Variants in PLBD1 observed in about 807,000 individuals in gnomAD.
PLBD1 encodes phospholipase B domain containing 1.
In PLBD1, 60 loss-of-function variants were observed where a neutral mutation model predicts 63.0. That is an observed-to-expected ratio of 0.95 (90% confidence interval 0.77 to 1.18). The LOEUF (loss-of-function observed/expected upper bound fraction) is 1.18. Among genes scored for constraint, PLBD1 ranks in the 50% most tolerant of loss-of-function variants. The pLI is 0.00. For missense variants in PLBD1, 598 were observed against 677.9 expected (o/e 0.88, Z 1.31); for synonymous variants, 262 against 248.0 (o/e 1.06, Z -0.53).
chr12:14,520,058 G>A (rs1945363930), intron 6 of PLBD1, among the ~76,000 whole-genome samples: 2 of 152,176 alleles, frequency 1.3e-5, no homozygotes, highest in Non-Finnish European at 2.9e-5. Context: ...GAAATGCCAG[G>A]GAGCCCAGGG....
Position 14,553,425 on chromosome 12 carries a change from G to A in PLBD1, c.116-13C>T. ...GCATAGTAGACTCCTAGAAGAAAAG[G>A]GAATAATGACAAAAACGCCATTCAA... On this transcript the variant is annotated splice_polypyrimidine_tract_variant and intron_variant, in intron 1 of 10. Transcript: ENST00000240617. 3 of 1,602,330 alleles carry A rather than the reference G, an allele frequency of 1.9e-6. No homozygotes were observed. The highest frequency in any genetic ancestry group is 2.6e-6 in the Non-Finnish European group (3 of 1,170,140).
Position 14,553,354 on chromosome 12 carries a change from A to T in PLBD1, c.174T>A (p.Asn58Lys), listed in dbSNP as rs775675852. 2.5e-5 allele frequency: 41 copies of T among 1,614,046 alleles called. No homozygotes were observed. The highest frequency in any genetic ancestry group is 3.4e-5 in the Non-Finnish European group (40 of 1,180,042). Reference protein sequence around the residue: ...MPAEKTVQVKNVMDKNGDAYG... With the variant: ...MPAEKTVQVKKVMDKNGDAYG... ...AGGCGTCCCCATTCTTGTCCATTAC[A>T]TTTTTGACTTGTACTGTCTTTTCAG... is the stretch of plus-strand genomic sequence containing the variant. The change falls in exon 2 of 11, where the codon AAT becomes AAA. Residue 58 changes from asparagine to lysine, a missense_variant. By Grantham distance (94) the Asn-to-Lys change is moderately conservative. Coordinates refer to ENST00000240617, the MANE Select transcript of PLBD1 (RefSeq NM_024829.6).
intron 4 of PLBD1, among the ~76,000 whole-genome samples, chr12:14,537,774 C>G (rs1394100344): frequency 1.3e-5 from 2 of 152,008 alleles, no homozygotes; most frequent in Non-Finnish European, 2.9e-5. Context: ...AAAATTCAAT[C>G]CAATTTTTAT....
intron 1 of PLBD1, among the ~76,000 whole-genome samples, chr12:14,564,191 G>C (rs780295583): frequency 2.6e-5 from 4 of 152,274 alleles, no homozygotes; most frequent in African/African-American, 7.2e-5. Flanking sequence ...GGGTGACAGA[G>C]CAAGGCCCTA....
At chr12:14,549,799 C>T (rs1166927062) in intron 2 of PLBD1, among the ~76,000 whole-genome samples, 1 of 152,144 alleles carries the variant, frequency 6.6e-6, no homozygotes. Context: ...TCCCAAGTAG[C>T]TGGGATTACA....
intron 8 of PLBD1, among the ~76,000 whole-genome samples, chr12:14,509,675 C>G (rs1054805655): frequency 2.0e-5 from 3 of 152,176 alleles, no homozygotes; most frequent in African/African-American, 7.2e-5. Context: ...AAACTGAGGA[C>G]CAGGTCCTGA....
intron 6 of PLBD1, among the ~76,000 whole-genome samples, chr12:14,527,304 C>T (rs777633765): frequency 1.8e-4 from 28 of 151,992 alleles, no homozygotes; most frequent in Non-Finnish European, 3.5e-4. Context: ...TACTAAAGAA[C>T]AACAGGGTCA....
chr12:14,564,271 A>T (rs1374429417), intron 1 of PLBD1, among the ~76,000 whole-genome samples: 2 of 152,226 alleles, frequency 1.3e-5, no homozygotes, highest in Non-Finnish European at 2.9e-5. Context: ...CCCCAGTCAT[A>T]GGTCTGCCAA....
At chr12:14,552,780 A>C (rs1945670009) in intron 2 of PLBD1, among the ~76,000 whole-genome samples, 1 of 152,224 alleles carries the variant, frequency 6.6e-6, no homozygotes. Flanking sequence ...TGGGATGGGA[A>C]GATTTTTAAG....
At chr12:14,504,604 G>A (rs974186660) in intron 10 of PLBD1, among the ~76,000 whole-genome samples, 8 of 152,138 alleles carry the variant, frequency 5.3e-5, no homozygotes, top group African/African-American at 1.9e-4. Flanking sequence ...TCATAGAGTT[G>A]GCATGAGGAT....
At position 14,503,856 on chromosome 12, in the gene PLBD1, G is replaced by T. The variant is rs746450386; in HGVS notation, c.1578C>A (p.Asn526Lys). Residue 526 changes from asparagine to lysine, a missense_variant, in exon 11 of 11, where the codon AAC becomes AAA. By Grantham distance (94) the Asn-to-Lys change is moderately conservative. Transcript: ENST00000240617. ...CTGGCATGCCCTGATGTAGAGTTTT[G>T]TTGAAACGGTCCCAGCGAAAAACAG... ...GLPVFRWDRF[N>K]KTLHQGMPEV... 9 of 1,613,862 alleles carry T rather than the reference G, an allele frequency of 5.6e-6. No homozygotes were observed. Among genetic ancestry groups the T allele is most frequent in the Admixed American group, 1.7e-5 (1 of 60,006 alleles).
intron 6 of PLBD1, among the ~76,000 whole-genome samples, chr12:14,534,735 G>A (rs1945498499): frequency 6.6e-6 from 1 of 152,108 alleles, no homozygotes; most frequent in Admixed American, 6.5e-5. Context: ...AGTAGAGACA[G>A]GGTTCACTGT....
intron 10 of PLBD1, 91 bp downstream of exon 10, chr12:14,506,071 T>C: frequency 2.6e-6 from 2 of 779,268 alleles, no homozygotes; most frequent in Non-Finnish European, 4.0e-6. Flanking sequence ...GTTAGCGACA[T>C]CGCTTCCTGC....
chr12:14,560,476 T>TA (rs1196428020), intron 1 of PLBD1, among the ~76,000 whole-genome samples: 1 of 152,226 alleles, frequency 6.6e-6, no homozygotes, highest in Admixed American at 6.5e-5. Flanking sequence ...TGGGTTTAGC[T>TA]AAAAATTCAC....
At chr12:14,506,825 C>G in intron 9 of PLBD1, 108 bp downstream of exon 9, 1 of 948,246 alleles carries the variant, frequency 1.1e-6, no homozygotes, top group Non-Finnish European at 1.5e-6. Context: ...ACTTAAATAA[C>G]TTCTTATAAT....
intron 4 of PLBD1, 152 bp downstream of exon 4, chr12:14,540,612 G>T: frequency 1.3e-6 from 1 of 790,796 alleles, no homozygotes; most frequent in Non-Finnish European, 1.8e-6. Flanking sequence ...GTTAGGTGCT[G>T]CAATATGAGA....
At chr12:14,530,897 T>C (rs1436102318) in intron 6 of PLBD1, 4 of 152,202 alleles carry the variant, frequency 2.6e-5, no homozygotes, top group Non-Finnish European at 4.4e-5. Flanking sequence ...AAACAGACCA[T>C]GTATTCAAAA....
Position 14,535,784 on chromosome 12 carries a change from T to C in PLBD1, c.719A>G (p.Asn240Ser). The C allele has an allele frequency of 1.9e-6, 3 of 1,613,818 alleles. No homozygotes were observed. The highest frequency in any genetic ancestry group is 2.5e-6 in the Non-Finnish European group (3 of 1,179,936). The change falls in exon 6 of 11, where the codon AAC becomes AGC. Residue 240 changes from asparagine (N) to serine (S), a missense_variant. Transcript: ENST00000240617. ...ALIKVLPGFENILFAHSSWYT... is the reference protein window; with the variant it reads ...ALIKVLPGFESILFAHSSWYT... The stretch of plus-strand genomic sequence containing the variant: ...CCAGCTTGAGTGAGCAAAAAGGATG[T>C]TCTCAAATCCAGGAAGAACCTACAG...
rs535377937 is a variant in PLBD1, at chr12:14,511,667, A to G, written c.889T>C (p.Leu297=). 7 of 1,614,192 alleles carry G rather than the reference A, an allele frequency of 4.3e-6. No individual in the cohort carries two copies. The highest frequency in any genetic ancestry group is 3.3e-5 in the Admixed American group (2 of 60,028). The change falls in exon 7 of 11, where the codon TTG becomes CTG. Residue 297 remains leucine (L), a synonymous_variant. Coordinates refer to ENST00000240617, the MANE Select transcript of PLBD1 (RefSeq NM_024829.6). ...CTGTTTGTGGTCTGCAGCAATATCA[A>G]TCCACTGCTAAGAATGTAAAAATCA... The part of the protein sequence containing the change: ...LDDFYILSSG[L]ILLQTTNSVF...
Sources: allele counts gnomAD v4.1 joint callset (sites outside exome capture counted in the v4.1 genomes callset), GRCh38; gene constraint gnomAD v4.1.1; transcripts MANE v1.5; gene names NCBI Gene and HGNC (gene_info 2026-07-23, HGNC 2026-07-21).